Variants in TDRD15 observed in about 807,000 individuals in gnomAD.
TDRD15 encodes tudor domain-containing protein 15.
For missense variants in TDRD15, 1,416 were observed against 904.7 expected (o/e 1.57, Z -7.25); for synonymous variants, 503 against 314.5 (o/e 1.60, Z -6.34).
chr2:21,138,475 T>C lies in TDRD15; in HGVS notation c.1008T>C (p.Tyr336=), dbSNP rs1426967960. ...GTAGCGAGGCTATACCCTCAATTTATGTAAAGAAACTTAAACAGGATTTTA... is the reference window on the plus strand; with the variant it reads ...GTAGCGAGGCTATACCCTCAATTTACGTAAAGAAACTTAAACAGGATTTTA... ...YGSSEAIPSI[Y]VKKLKQDFIL... Residue 336 remains tyrosine (Y), a synonymous_variant, in exon 4 of 4, where the codon TAT becomes TAC. Transcript: ENST00000405799. 1.4e-6 allele frequency: 1 copy of C among 715,144 alleles called. No individual in the cohort carries two copies. Among genetic ancestry groups the C allele is most frequent in the Admixed American group, 2.0e-5 (1 of 49,714 alleles). 44.3% of individuals were successfully genotyped at this position (715,144 alleles called of 1,614,324 possible). A position where few individuals can be genotyped will look rare whatever the true frequency, so the allele number is the denominator to read the frequency against.
chr2:21,139,879 G>T lies in TDRD15; in HGVS notation c.2412G>T (p.Gln804His), dbSNP rs781358708. The change falls in exon 4 of 4, where the codon CAG becomes CAT. Residue 804 changes from glutamine to histidine, a missense_variant. Gln to His is a conservative substitution (Grantham distance 24). Coordinates refer to ENST00000405799, the MANE Select transcript of TDRD15 (RefSeq NM_001306137.2). ...ATTCTGATCCTTATGAGATTGGGCA[G>T]ACTGCTTGTGTTGCTAAGTATTCTG... ...SIHSDPYEIG[Q>H]TACVAKYSGK... is the part of the protein sequence containing the mutation. The T allele has an allele frequency of 5.6e-6, 4 of 715,830 alleles. No homozygotes were observed. In the African/African-American group the frequency reaches 7.0e-5, roughly 13 times the overall value. 44.3% of individuals were successfully genotyped at this position (715,830 alleles called of 1,614,324 possible).
At chr2:21,124,694 TGC>T (rs1665546145) in intron 1 of TDRD15, among the ~76,000 whole-genome samples, 2 of 136,160 alleles carry the variant, frequency 1.5e-5, no homozygotes, top group Admixed American at 7.5e-5. Context: ...AATGCCAGGG[TGC>T]GTGTGTGTGT....
intron 2 of TDRD15, among the ~76,000 whole-genome samples, chr2:21,132,938 C>T (rs143876619): frequency 6.2e-4 from 95 of 152,126 alleles, no homozygotes; most frequent in African/African-American, 2.1e-3. Context: ...GGATATTCAG[C>T]GGCATCCCTG....
At chr2:21,145,781 A>G (rs531098697), downstream of TDRD15, among the ~76,000 whole-genome samples, 2 of 151,974 alleles carry the variant, frequency 1.3e-5, no homozygotes, top group African/African-American at 2.4e-5. Context: ...CTCTTCCACT[A>G]TTATTGCCTG....
At chr2:21,144,985 G>C (rs1302496871), downstream of TDRD15, among the ~76,000 whole-genome samples, 5 of 151,898 alleles carry the variant, frequency 3.3e-5, no homozygotes, top group African/African-American at 4.8e-5. Context: ...AGAAAAGGAG[G>C]AGGAAGAGGC....
At chr2:21,132,618 G>T (rs1665740878) in intron 2 of TDRD15, among the ~76,000 whole-genome samples, 1 of 152,096 alleles carries the variant, frequency 6.6e-6, no homozygotes, top group Admixed American at 6.6e-5. Flanking sequence ...CCTTCATGCA[G>T]TAAATTAAAT....
chr2:21,140,588 G>A lies in TDRD15; in HGVS notation c.3121G>A (p.Glu1041Lys), dbSNP rs1434776356. The change falls in exon 4 of 4, where the codon GAG (glutamate) becomes AAG (lysine). Residue 1041 changes from glutamate (E) to lysine (K), a missense_variant. By Grantham distance (56) the Glu-to-Lys change is moderately conservative. Coordinates refer to ENST00000405799, the MANE Select transcript of TDRD15 (RefSeq NM_001306137.2). ...AGCAATACCAACAGATTCATCATCT[G>A]AGTTTCAAGTCTATTTTGTAGACTT... Reference protein sequence around the residue: ...ALAIPTDSSSEFQVYFVDFGN... With the variant: ...ALAIPTDSSSKFQVYFVDFGN... 2.8e-6 allele frequency: 2 copies of A among 714,104 alleles called. No individual in the cohort carries two copies. The highest frequency in any genetic ancestry group is 5.2e-6 in the Non-Finnish European group (2 of 383,314). The allele number at this position is 714,104 out of a possible 1,614,324, so 44.2% of individuals were successfully genotyped here.
At chr2:21,137,358 TA>T in intron 3 of TDRD15, 106 bp from the exon 4 acceptor site, 1 of 479,040 alleles carries the variant, frequency 2.1e-6, no homozygotes, top group East Asian at 3.2e-5. Context: ...TTAAATTTGA[TA>T]AAATACAGGC....
At chr2:21,129,144 A>G (rs996713596) in intron 2 of TDRD15, among the ~76,000 whole-genome samples, 1 of 152,102 alleles carries the variant, frequency 6.6e-6, no homozygotes, top group Admixed American at 6.5e-5. Context: ...TCAACAGTTG[A>G]TGAAATTTGG....
At chr2:21,130,505 T>G (rs531480035) in intron 2 of TDRD15, among the ~76,000 whole-genome samples, 1 of 152,314 alleles carries the variant, frequency 6.6e-6, no homozygotes, top group Non-Finnish European at 1.5e-5. Flanking sequence ...CCCCCAAAAT[T>G]CCTTGTAAAG....
rs1394806590 is a variant in TDRD15 at position 21,142,562 on chromosome 2, A to G, written c.5095A>G (p.Asn1699Asp). The G allele has an allele frequency of 9.9e-6, 7 of 708,486 alleles. No individual in the cohort carries two copies. The Admixed American group carries it at 1.4e-4, about 15-fold the overall frequency. The allele number at this position is 708,486 out of a possible 1,614,324, so 43.9% of individuals were successfully genotyped here. A position where few individuals can be genotyped will look rare whatever the true frequency, so the allele number is the denominator to read the frequency against. ...LNLNTVPVEENKLRLAEIVYN... is the reference protein window; with the variant it reads ...LNLNTVPVEEDKLRLAEIVYN... ...TTTGAATACAGTTCCTGTTGAAGAA[A>G]ACAAACTTAGACTTGCAGAAATTGT... The change falls in exon 4 of 4, where the codon AAC becomes GAC. Residue 1699 changes from asparagine to aspartate, a missense_variant. By Grantham distance (23) the Asn-to-Asp change is conservative. Coordinates refer to ENST00000405799, the MANE Select transcript of TDRD15 (RefSeq NM_001306137.2).
chr2:21,140,631 T>C lies in TDRD15; in HGVS notation c.3164T>C (p.Val1055Ala). ...GTAGACTTTGGAAATAAGCAATTAG[T>C]AGGAGAAAATATGTTGAGGGCCATT... is the stretch of plus-strand genomic sequence containing the variant. ...YFVDFGNKQL[V>A]GENMLRAISA... is the part of the protein sequence containing the mutation. Residue 1055 changes from valine to alanine, a missense_variant, in exon 4 of 4, where the codon GTA (valine) becomes GCA (alanine). By Grantham distance (64) the Val-to-Ala change is moderately conservative. Coordinates refer to ENST00000405799, the MANE Select transcript of TDRD15 (RefSeq NM_001306137.2). 1 of 715,360 alleles carries C rather than the reference T, an allele frequency of 1.4e-6. No individual in the cohort carries two copies. Among genetic ancestry groups the C allele is most frequent in the Non-Finnish European group, 2.6e-6 (1 of 383,680 alleles). The allele number at this position is 715,360 out of a possible 1,614,324, so 44.3% of individuals were successfully genotyped here.
chr2:21,140,116 A>G lies in TDRD15; in HGVS notation c.2649A>G (p.Ala883=), dbSNP rs1262162303. ...SCKLFSWTRK[A]FRDLWNFISS... is the part of the protein sequence containing the mutation. ...AATTATTCAGTTGGACAAGAAAAGCATTCAGAGACTTGTGGAATTTTATCT... is the reference window on the plus strand; with the variant it reads ...AATTATTCAGTTGGACAAGAAAAGCGTTCAGAGACTTGTGGAATTTTATCT... The change falls in exon 4 of 4, where the codon GCA becomes GCG. Residue 883 remains alanine, a synonymous_variant. Transcript: ENST00000405799. 1 of 716,128 alleles carries G rather than the reference A, an allele frequency of 1.4e-6. No homozygotes were observed. Among genetic ancestry groups the G allele is most frequent in the Non-Finnish European group, 2.6e-6 (1 of 384,120 alleles). 44.4% of individuals were successfully genotyped at this position (716,128 alleles called of 1,614,324 possible). A position where few individuals can be genotyped will look rare whatever the true frequency, so the allele number is the denominator to read the frequency against.
chr2:21,135,714 C>T (rs1391209359), intron 3 of TDRD15, among the ~76,000 whole-genome samples: 1 of 151,972 alleles, frequency 6.6e-6, no homozygotes, highest in East Asian at 1.9e-4. Context: ...CATTCCCACC[C>T]CCACACCCGG....
intron 2 of TDRD15, among the ~76,000 whole-genome samples, chr2:21,132,317 T>C (rs190363115): frequency 5.3e-5 from 8 of 152,262 alleles, no homozygotes; most frequent in Admixed American, 5.2e-4. Context: ...GCCACTGATT[T>C]TTTTTTTCTC....
rs1665876045 is a variant in TDRD15, at chr2:21,139,375, G to A, written c.1908G>A (p.Lys636=). 3 of 708,534 alleles carry A rather than the reference G, an allele frequency of 4.2e-6. No homozygotes were observed. The highest frequency in any genetic ancestry group is 3.1e-5 in the South Asian group (2 of 65,326). The allele number at this position is 708,534 out of a possible 1,614,324, so 43.9% of individuals were successfully genotyped here. Residue 636 remains lysine, a synonymous_variant, in exon 4 of 4, where the codon AAG becomes AAA. Transcript: ENST00000405799. ...LLQVIAKKDD[K]YTVNIQSVEA... ...AGGTTATAGCAAAAAAAGATGACAAGTACACTGTAAATATTCAAAGTGTTG... is the reference window on the plus strand; with the variant it reads ...AGGTTATAGCAAAAAAAGATGACAAATACACTGTAAATATTCAAAGTGTTG...
intron 2 of TDRD15, among the ~76,000 whole-genome samples, chr2:21,134,555 G>A (rs1324080551): frequency 5.3e-5 from 8 of 151,728 alleles, no homozygotes; most frequent in East Asian, 1.9e-4. Flanking sequence ...GGCTGCTATC[G>A]GCTTGTTTTT....
downstream of TDRD15, among the ~76,000 whole-genome samples, chr2:21,147,288 GGATTTATGAGTAAGAGAC>G (rs933589742): frequency 2.0e-5 from 3 of 151,522 alleles, no homozygotes; most frequent in Admixed American, 6.6e-5. Context: ...TCTGAAGATA[GGATTTATGAGTAAGAGAC>G]GATTTATGAG....
downstream of TDRD15, among the ~76,000 whole-genome samples, chr2:21,144,425 G>C (rs946527267): frequency 6.6e-6 from 1 of 151,860 alleles, no homozygotes. Context: ...GAGTGGAAAT[G>C]TCTTGTTTTT....
Sources: gnomAD v4.1 joint callset for allele counts (sites outside exome capture counted in the v4.1 genomes callset) on GRCh38, gnomAD v4.1.1 for gene constraint, MANE v1.5 for transcripts, NCBI Gene and HGNC (gene_info 2026-07-23, HGNC 2026-07-21) for gene names.